The following SMYD3 variants were observed in gnomAD, a reference collection of about 807,000 sequenced individuals.
SMYD3 encodes SET and MYND domain containing 3.
SMYD3 carries 36 observed loss-of-function variants against 57.7 expected under a neutral mutation model. That is an observed-to-expected ratio of 0.62 (90% CI 0.48 to 0.82). The LOEUF (loss-of-function observed/expected upper bound fraction) is 0.82, where lower values mean the gene tolerates loss of function less well. SMYD3 is among the 40% of genes least tolerant of loss of function. The pLI, the probability that SMYD3 is intolerant of heterozygous loss-of-function variation, is 0.00. For synonymous variants in SMYD3, 211 were observed against 195.0 expected, an observed-to-expected ratio of 1.08 and a Z score of -0.68; for missense variants, 515 against 538.8, an observed-to-expected ratio of 0.96 and a Z score of 0.44.
Position 246,507,174 on chromosome 1 carries a change from C to G in SMYD3, c.44G>C (p.Gly15Ala). ...CGGGGTCACGGCGCGCAGCCCGTTT[C>G]CCCTCTTGGCGGTTGCGAACTTTTC... ...KVEKFATAKRGNGLRAVTPLR... is the reference protein window; with the variant it reads ...KVEKFATAKRANGLRAVTPLR... Residue 15 changes from glycine to alanine, a missense_variant, in exon 1 of 12, where the codon GGA becomes GCA. By Grantham distance (60) the Gly-to-Ala change is moderately conservative. Coordinates refer to ENST00000490107, the MANE Select transcript of SMYD3 (RefSeq NM_001167740.2). The G allele has an allele frequency of 6.5e-7, 1 of 1,532,220 alleles. No homozygotes were observed. The highest frequency in any genetic ancestry group is 8.8e-7 in the Non-Finnish European group (1 of 1,139,610). 94.9% of individuals were successfully genotyped at this position (1,532,220 alleles called of 1,614,324 possible). A position where few individuals can be genotyped will look rare whatever the true frequency, so the allele number is the denominator to read the frequency against.
chr1:245,935,689 GT>G (rs898863734), intron 5 of SMYD3, among the ~76,000 whole-genome samples: 21 of 152,206 alleles, frequency 1.4e-4, no homozygotes, highest in Non-Finnish European at 2.6e-4. Flanking sequence ...CACAAATGGA[GT>G]AATATTCAGC....
intron 5 of SMYD3, among the ~76,000 whole-genome samples, chr1:246,297,704 T>G (rs1326306186): frequency 6.6e-6 from 1 of 152,182 alleles, no homozygotes; most frequent in East Asian, 1.9e-4. Flanking sequence ...ATTATTCTGA[T>G]GTATAAATAC....
At chr1:245,988,022 T>C (rs940436998) in intron 5 of SMYD3, among the ~76,000 whole-genome samples, 2 of 151,918 alleles carry the variant, frequency 1.3e-5, no homozygotes, top group African/African-American at 4.8e-5. Flanking sequence ...GAATCACCGC[T>C]CCATACCTCA....
intron 5 of SMYD3, among the ~76,000 whole-genome samples, chr1:246,002,224 A>G (rs11803511): frequency 0.51 from 73,826 of 145,970 alleles, 19,675 homozygotes; most frequent in Non-Finnish European, 0.59. Flanking sequence ...TCGCTCCGTC[A>G]CCCAGGCTGG....
Position 245,749,357 on chromosome 1 carries a change from A to T in SMYD3, c.*206T>A, listed in dbSNP as rs1266102705. On this transcript the variant is annotated 3_prime_UTR_variant, in exon 12 of 12. Transcript: ENST00000490107. ...AATTACCAGATGGCATCCTCAACCA[A>T]ATGTTTTGAATTTATTATAATCGTG... The T allele has an allele frequency of 1.0e-5, 5 of 498,656 alleles. No individual in the cohort carries two copies. Among genetic ancestry groups the T allele is most frequent in the Non-Finnish European group, 1.4e-5 (4 of 284,612 alleles). The allele number at this position is 498,656 out of a possible 1,614,324, so 30.9% of individuals were successfully genotyped here. A position where few individuals can be genotyped will look rare whatever the true frequency, so the allele number is the denominator to read the frequency against.
intron 10 of SMYD3, among the ~76,000 whole-genome samples, chr1:245,811,923 A>G (rs1396551841): frequency 6.6e-6 from 1 of 152,204 alleles, no homozygotes; most frequent in Non-Finnish European, 1.5e-5. Context: ...ACATTTGAAC[A>G]TGGGTCTGTG....
At chr1:246,271,521 C>T (rs955620894) in intron 5 of SMYD3, among the ~76,000 whole-genome samples, 2 of 152,098 alleles carry the variant, frequency 1.3e-5, no homozygotes, top group African/African-American at 4.8e-5. Flanking sequence ...CATATGGATA[C>T]CCAGTTGTCC....
intron 5 of SMYD3, among the ~76,000 whole-genome samples, chr1:246,204,129 C>T (rs2062960729): frequency 6.6e-6 from 1 of 152,110 alleles, no homozygotes; most frequent in Non-Finnish European, 1.5e-5. Flanking sequence ...TGTAATTTCC[C>T]AAGTTTTATA....
At chr1:245,888,689 G>A (rs1275813344) in intron 8 of SMYD3, among the ~76,000 whole-genome samples, 1 of 152,178 alleles carries the variant, frequency 6.6e-6, no homozygotes, top group East Asian at 1.9e-4. Context: ...ATATTCGATG[G>A]ATCTAAGTAC....
intron 1 of SMYD3, among the ~76,000 whole-genome samples, chr1:246,446,067 C>G (rs1337700552): frequency 6.6e-6 from 1 of 152,130 alleles, no homozygotes; most frequent in Non-Finnish European, 1.5e-5. Context: ...TTAATCTTTA[C>G]TTTCCCATCT....
chr1:246,362,526 T>C (rs1380115390), intron 1 of SMYD3, among the ~76,000 whole-genome samples: 3 of 152,092 alleles, frequency 2.0e-5, no homozygotes, highest in Non-Finnish European at 2.9e-5. Flanking sequence ...AGCTGGACTG[T>C]ACTGCTGCCA....
At chr1:246,061,653 G>A (rs539119526) in intron 5 of SMYD3, among the ~76,000 whole-genome samples, 15 of 152,232 alleles carry the variant, frequency 9.9e-5, no homozygotes, top group South Asian at 8.3e-4. Context: ...TCGCTTGAGC[G>A]AGGCTGAGGC....
At chr1:246,421,637 C>A (rs1241786304) in intron 1 of SMYD3, among the ~76,000 whole-genome samples, 1 of 152,034 alleles carries the variant, frequency 6.6e-6, no homozygotes, top group African/African-American at 2.4e-5. Context: ...TACAATAATT[C>A]AGAGGTATTT....
At chr1:246,036,053 G>A (rs2059767692) in intron 5 of SMYD3, among the ~76,000 whole-genome samples, 1 of 152,148 alleles carries the variant, frequency 6.6e-6, no homozygotes, top group South Asian at 2.1e-4. Context: ...AATATACAGT[G>A]TCATTGATTT....
intron 8 of SMYD3, among the ~76,000 whole-genome samples, chr1:245,883,044 C>T (rs531969120): frequency 3.9e-5 from 6 of 152,262 alleles, no homozygotes; most frequent in Admixed American, 2.0e-4. Context: ...CCAGTAATTG[C>T]CCATAATTGA....
At position 245,920,084 on chromosome 1, in the gene SMYD3, C is replaced by T. The variant is rs189384944; in HGVS notation, c.703-4444G>A. On this transcript the variant is annotated intron_variant, in intron 7 of 11. Coordinates refer to ENST00000490107, the MANE Select transcript of SMYD3 (RefSeq NM_001167740.2). ...ATCCCAGCACTTTGGGAGGCCAAGG[C>T]GGTAGGATCACGAGGTCAGGAGATT... is the stretch of plus-strand genomic sequence containing the variant. Among the ~76,000 whole-genome samples the T allele has an allele frequency of 4.5e-3, 689 of 152,130 alleles. 5 individuals are homozygous for T. Among genetic ancestry groups the T allele is most frequent in the African/African-American group, 0.016 (649 of 41,492 alleles).
chr1:245,780,159 C>G (rs566371547), intron 10 of SMYD3, among the ~76,000 whole-genome samples: 1 of 152,298 alleles, frequency 6.6e-6, no homozygotes, highest in Non-Finnish European at 1.5e-5. Context: ...TATGACCTAG[C>G]AATTCTACCT....
At chr1:245,817,088 G>C (rs540518957) in intron 10 of SMYD3, among the ~76,000 whole-genome samples, 6 of 151,556 alleles carry the variant, frequency 4.0e-5, no homozygotes, top group South Asian at 4.2e-4. Context: ...TCCACCTCTG[G>C]GGGCAGGGCA....
intron 4 of SMYD3, among the ~76,000 whole-genome samples, chr1:246,330,159 A>C (rs898037992): frequency 6.6e-5 from 10 of 152,202 alleles, no homozygotes; most frequent in African/African-American, 2.2e-4. Flanking sequence ...CAAAAAGAAA[A>C]CAGAACAGGA....
Sources: allele counts gnomAD v4.1 joint callset (sites outside exome capture counted in the v4.1 genomes callset), GRCh38; gene constraint gnomAD v4.1.1; transcripts MANE v1.5; gene names NCBI Gene and HGNC (gene_info 2026-07-23, HGNC 2026-07-21).